Variants in PRKAR2B observed in about 807,000 individuals in gnomAD.
PRKAR2B encodes protein kinase cAMP-dependent type II regulatory subunit beta, also known as cAMP-dependent protein kinase type II-beta regulatory subunit.
A neutral mutation model predicts 49.9 loss-of-function variants in PRKAR2B; 14 were observed. The observed-to-expected ratio is 0.28, with a 90% CI of 0.19 to 0.44. The LOEUF is 0.44. Ranked by LOEUF, PRKAR2B falls within the 20% of genes least tolerant of loss-of-function variation. The pLI, the probability that PRKAR2B is intolerant of heterozygous loss-of-function variation, is 1.00. For synonymous variants in PRKAR2B, 196 were observed against 197.7 expected (o/e 0.99, Z 0.07); for missense variants, 393 against 537.9 (o/e 0.73, Z 2.67).
chr7:107,109,068 T>G (rs1043121695), intron 2 of PRKAR2B, among the ~76,000 whole-genome samples: 1 of 152,108 alleles, frequency 6.6e-6, no homozygotes, highest in African/African-American at 2.4e-5. Flanking sequence ...AGGGGTGAGT[T>G]ATTCATGAAC....
intron 3 of PRKAR2B, among the ~76,000 whole-genome samples, chr7:107,125,285 T>G (rs143576663): frequency 0.034 from 5,254 of 152,328 alleles, 138 homozygotes; most frequent in Middle Eastern, 0.088. Context: ...GTTGATTTCC[T>G]TAACTCTAAA....
chr7:107,075,530 A>G (rs1004941296), intron 2 of PRKAR2B, among the ~76,000 whole-genome samples: 1 of 151,550 alleles, frequency 6.6e-6, no homozygotes, highest in African/African-American at 2.4e-5. Flanking sequence ...CTCCCTAGTA[A>G]CTGGGAGAAC....
At chr7:107,128,427 C>A in intron 4 of PRKAR2B, 132 bp downstream of exon 4, 1 of 602,342 alleles carries the variant, frequency 1.7e-6, no homozygotes, top group Non-Finnish European at 2.9e-6. Flanking sequence ...GGCCCCCTTG[C>A]GGATGCTTGA....
intron 4 of PRKAR2B, among the ~76,000 whole-genome samples, chr7:107,139,715 T>A (rs1795758022): frequency 6.6e-6 from 1 of 152,208 alleles, no homozygotes; most frequent in Non-Finnish European, 1.5e-5. Flanking sequence ...TCCTGTACTC[T>A]ATACTATTGT....
At chr7:107,147,882 G>A (rs6946848) in intron 6 of PRKAR2B, among the ~76,000 whole-genome samples, 2,985 of 152,270 alleles carry the variant, frequency 0.02, 99 homozygotes, top group African/African-American at 0.067. Flanking sequence ...ATATAGCATT[G>A]TGGAAGTCAC....
intron 1 of PRKAR2B, among the ~76,000 whole-genome samples, chr7:107,046,656 G>T (rs1219050192): frequency 1.3e-5 from 2 of 152,140 alleles, no homozygotes; most frequent in African/African-American, 2.4e-5. Flanking sequence ...AAAGAGAAAA[G>T]AATGCATGTT....
At chr7:107,056,155 G>C (rs1562841535) in intron 1 of PRKAR2B, among the ~76,000 whole-genome samples, 1 of 152,184 alleles carries the variant, frequency 6.6e-6, no homozygotes, top group South Asian at 2.1e-4. Flanking sequence ...TGAGGGCTCT[G>C]TTCTGTTCCA....
At chr7:107,100,813 CCAGAACTTG>C (rs1027683379) in intron 2 of PRKAR2B, among the ~76,000 whole-genome samples, 9 of 151,114 alleles carry the variant, frequency 6.0e-5, no homozygotes, top group African/African-American at 2.2e-4. Flanking sequence ...CTTTTTAACT[CCAGAACTTG>C]CTTTTTTTTT....
At chr7:107,080,055 G>A (rs59192354) in intron 2 of PRKAR2B, among the ~76,000 whole-genome samples, 2,612 of 152,282 alleles carry the variant, frequency 0.017, 93 homozygotes, top group African/African-American at 0.06. Flanking sequence ...TCTCAAATGG[G>A]TTTTCAACTT....
At chr7:107,158,080 A>G (rs1254178871) in intron 10 of PRKAR2B, among the ~76,000 whole-genome samples, 1 of 152,232 alleles carries the variant, frequency 6.6e-6, no homozygotes. Context: ...TTAAATAAGT[A>G]TAATATTAAT....
intron 4 of PRKAR2B, among the ~76,000 whole-genome samples, chr7:107,134,920 A>T (rs953608554): frequency 6.6e-6 from 1 of 152,178 alleles, no homozygotes; most frequent in African/African-American, 2.4e-5. Context: ...ATGGTCTTAG[A>T]TTTAGCATTG....
intron 2 of PRKAR2B, among the ~76,000 whole-genome samples, chr7:107,110,807 C>T (rs891018750): frequency 1.3e-5 from 2 of 152,132 alleles, no homozygotes; most frequent in African/African-American, 4.8e-5. Context: ...GTCTTTGAGA[C>T]TTGCTGGCTT....
chr7:107,126,085 C>CT (rs1428541683), intron 3 of PRKAR2B, among the ~76,000 whole-genome samples: 3 of 49,194 alleles, frequency 6.1e-5, no homozygotes, highest in African/African-American at 1.3e-4. Context: ...AAGACTGTGT[C>CT]TTAAAAAAAA....
At chr7:107,100,583 TTCTC>T (rs1327451954) in intron 2 of PRKAR2B, among the ~76,000 whole-genome samples, 2 of 152,234 alleles carry the variant, frequency 1.3e-5, no homozygotes, top group African/African-American at 4.8e-5. Context: ...TTTTCTTTGC[TTCTC>T]TCTCTGTTTC....
In PRKAR2B at chr7:107,045,169, G is replaced by T. The variant is rs1349918280; in HGVS notation, c.262G>T (p.Gly88Trp). The T allele has an allele frequency of 1.3e-6, 2 of 1,482,472 alleles. No individual in the cohort carries two copies. The highest frequency in any genetic ancestry group is 2.6e-5 in the East Asian group (1 of 39,136). 91.8% of individuals were successfully genotyped at this position (1,482,472 alleles called of 1,614,324 possible). A position where few individuals can be genotyped will look rare whatever the true frequency, so the allele number is the denominator to read the frequency against. Reference protein sequence around the residue: ...EEPMQSDSEDGEEEEAAPADA... With the variant: ...EEPMQSDSEDWEEEEAAPADA... Reference sequence around the variant, plus strand: ...GCCCATGCAGTCCGACTCCGAGGACGGGGAGGAGGAGGAGGCGGCGCCCGC... The same window carrying T: ...GCCCATGCAGTCCGACTCCGAGGACTGGGAGGAGGAGGAGGCGGCGCCCGC... The change falls in exon 1 of 11, where the codon GGG becomes TGG. Residue 88 changes from glycine to tryptophan, a missense_variant. Around this residue, in one of 2 missense-constraint regions of PRKAR2B, gnomAD observed 160 missense variants for 147.6 expected, o/e 1.08. Transcript: ENST00000265717.
chr7:107,078,077 C>G (rs565079529), intron 2 of PRKAR2B: 1 of 152,030 alleles, frequency 6.6e-6, no homozygotes, highest in African/African-American at 2.4e-5. Flanking sequence ...TGGCGTGTGC[C>G]TGTAGTCTCA....
intron 2 of PRKAR2B, among the ~76,000 whole-genome samples, chr7:107,119,285 C>T (rs912152797): frequency 6.6e-6 from 1 of 152,160 alleles, no homozygotes; most frequent in Non-Finnish European, 1.5e-5. Context: ...ACTGCACCAC[C>T]TCGTTGAATG....
chr7:107,089,936 G>T (rs1248606566), intron 2 of PRKAR2B, among the ~76,000 whole-genome samples: 1 of 152,164 alleles, frequency 6.6e-6, no homozygotes, highest in Non-Finnish European at 1.5e-5. Flanking sequence ...CTGTCATCTT[G>T]CAAATACAAC....
chr7:107,113,040 C>T (rs1159077709), intron 2 of PRKAR2B, among the ~76,000 whole-genome samples: 2 of 152,076 alleles, frequency 1.3e-5, no homozygotes, highest in Non-Finnish European at 2.9e-5. Context: ...TCAAATGATA[C>T]TTGTTCTGAA....
Sources: allele counts gnomAD v4.1 joint callset (sites outside exome capture counted in the v4.1 genomes callset), GRCh38; gene constraint gnomAD v4.1.1; regional missense constraint gnomAD v4.1.1; transcripts MANE v1.5; gene names NCBI Gene and HGNC (gene_info 2026-07-23, HGNC 2026-07-21).